Variants in DENND1B observed in about 807,000 individuals in gnomAD.
The protein encoded by DENND1B is DENN domain containing 1B, also known as DENN domain-containing protein 1B.
A neutral mutation model predicts 90.1 loss-of-function variants in DENND1B; 59 were observed. The observed-to-expected ratio is 0.65, with a 90% CI of 0.53 to 0.81. DENND1B has a LOEUF of 0.81. Among genes scored for constraint, DENND1B ranks in the 40% least tolerant of loss-of-function variants. The pLI is 0.00. For missense variants in DENND1B, 862 were observed against 912.6 expected (o/e 0.94, Z 0.71); for synonymous variants, 337 against 324.6 (o/e 1.04, Z -0.41).
intron 15 of DENND1B, among the ~76,000 whole-genome samples, chr1:197,560,456 G>A (rs541569820): frequency 2.0e-5 from 3 of 152,006 alleles, no homozygotes; most frequent in Admixed American, 6.6e-5. Flanking sequence ...CTTCCTAAGG[G>A]AAGTTAGGAA....
chr1:197,597,049 A>G (rs1162331492), intron 13 of DENND1B, among the ~76,000 whole-genome samples: 1 of 151,902 alleles, frequency 6.6e-6, no homozygotes, highest in East Asian at 1.9e-4. Flanking sequence ...TTTTCAATTT[A>G]TATCCAAGCT....
At chr1:197,732,131 C>T (rs1269182667) in intron 2 of DENND1B, among the ~76,000 whole-genome samples, 1 of 152,170 alleles carries the variant, frequency 6.6e-6, no homozygotes, top group Non-Finnish European at 1.5e-5. Flanking sequence ...TACCTCCCCT[C>T]ACCCAGGACC....
At chr1:197,737,979 A>G (rs1453810958) in intron 2 of DENND1B, among the ~76,000 whole-genome samples, 1 of 150,952 alleles carries the variant, frequency 6.6e-6, no homozygotes. Flanking sequence ...CTGACCTGGA[A>G]GCAGATAACC....
At chr1:197,610,323 G>A (rs930329660) in intron 12 of DENND1B, among the ~76,000 whole-genome samples, 15 of 150,454 alleles carry the variant, frequency 1.0e-4, no homozygotes, top group Admixed American at 2.7e-4. Context: ...CTTAAAAACA[G>A]TATTGGTTTT....
At chr1:197,647,931 G>A (rs1259852529) in intron 7 of DENND1B, among the ~76,000 whole-genome samples, 2 of 135,628 alleles carry the variant, frequency 1.5e-5, no homozygotes, top group African/African-American at 5.5e-5. Flanking sequence ...TGGGCAACAA[G>A]AGCGAAACTC....
At chr1:197,687,725 A>G (rs1267849724) in intron 3 of DENND1B, among the ~76,000 whole-genome samples, 1 of 152,112 alleles carries the variant, frequency 6.6e-6, no homozygotes, top group Non-Finnish European at 1.5e-5. Flanking sequence ...AATAGTGAAA[A>G]ACTGGAAGTC....
chr1:197,603,999 A>C (rs1463702248), intron 13 of DENND1B, among the ~76,000 whole-genome samples: 2 of 151,282 alleles, frequency 1.3e-5, no homozygotes, highest in African/African-American at 2.4e-5. Context: ...CCTAACATTT[A>C]CTTTTTTTTA....
rs553958318 is a variant in DENND1B, at chr1:197,672,165, T to C, written c.177-9A>G. 5.6e-6 allele frequency: 9 copies of C among 1,599,816 alleles called. No individual in the cohort carries two copies. Among genetic ancestry groups the C allele is most frequent in the Admixed American group, 3.5e-5 (2 of 56,652 alleles). ...CTTGATTCTGAGACACCCTAAAATATAGTAACATTAGGAAACATTGTGCCT... is the reference window on the plus strand; with the variant it reads ...CTTGATTCTGAGACACCCTAAAATACAGTAACATTAGGAAACATTGTGCCT... On this transcript the variant is annotated splice_polypyrimidine_tract_variant and intron_variant, in intron 4 of 22. Transcript: ENST00000620048.
At chr1:197,768,167 T>TTCGTCGTCCTCCTCCTCGTCCTCC (rs1655939506) in intron 2 of DENND1B, among the ~76,000 whole-genome samples, 1 of 150,658 alleles carries the variant, frequency 6.6e-6, no homozygotes, top group African/African-American at 2.5e-5. Flanking sequence ...CCTCCTCCTC[T>TTCGTCGTCCTCCTCCTCGTCCTCC]TCGTCGTCCT....
chr1:197,746,522 TTTTTCTTAC>T lies in DENND1B; in HGVS notation c.82+26337_82+26345del, dbSNP rs1467969892. On this transcript the variant is annotated intron_variant, in intron 2 of 22. Coordinates refer to ENST00000620048, the MANE Select transcript of DENND1B (RefSeq NM_001195215.2). ...AAAATTCTATCCTATTTTTCTATATTTTTTCTTACATTTCTTATACAAATATGAGAATGC... is the reference window on the plus strand; with the variant it reads ...AAAATTCTATCCTATTTTTCTATATTATTTCTTATACAAATATGAGAATGC... Among the ~76,000 whole-genome samples the T allele has an allele frequency of 2.0e-5, 3 of 152,314 alleles. No homozygotes were observed. The East Asian group carries it at 5.8e-4, about 29-fold the overall frequency.
intron 13 of DENND1B, among the ~76,000 whole-genome samples, chr1:197,603,542 A>T (rs12142712): frequency 6.6e-6 from 1 of 150,936 alleles, no homozygotes; most frequent in Non-Finnish European, 1.5e-5. Context: ...GTAAAAAAAA[A>T]CTTGCCTGTT....
chr1:197,524,332 C>T (rs761547780), intron 20 of DENND1B, among the ~76,000 whole-genome samples: 7 of 152,104 alleles, frequency 4.6e-5, no homozygotes, highest in Non-Finnish European at 7.4e-5. Flanking sequence ...TCTGTCACTA[C>T]ACTAATTCTA....
At chr1:197,571,660 A>AT (rs1396934845) in intron 15 of DENND1B, among the ~76,000 whole-genome samples, 1 of 152,164 alleles carries the variant, frequency 6.6e-6, no homozygotes, top group Non-Finnish European at 1.5e-5. Context: ...TTCACTAGAA[A>AT]TATCAGCTTC....
intron 15 of DENND1B, among the ~76,000 whole-genome samples, chr1:197,558,212 A>G (rs1315007976): frequency 1.3e-5 from 2 of 151,776 alleles, no homozygotes; most frequent in Non-Finnish European, 2.9e-5. Flanking sequence ...GAAAAAAATT[A>G]AAATCTAGAT....
intron 3 of DENND1B, among the ~76,000 whole-genome samples, chr1:197,683,657 C>G (rs535438176): frequency 6.6e-6 from 1 of 152,018 alleles, no homozygotes; most frequent in African/African-American, 2.4e-5. Flanking sequence ...TCCAATGTTA[C>G]GAAAGATAAA....
intron 20 of DENND1B, among the ~76,000 whole-genome samples, chr1:197,529,260 GTGTGTGTGTATA>G (rs372140837): frequency 0.46 from 28,199 of 61,124 alleles, 3,260 homozygotes; most frequent in Non-Finnish European, 0.53. Context: ...GTGTGTGTGT[GTGTGTGTGTATA>G]TGTATATATG....
intron 15 of DENND1B, among the ~76,000 whole-genome samples, chr1:197,559,705 T>C (rs932407075): frequency 7.6e-5 from 10 of 131,272 alleles, no homozygotes; most frequent in Non-Finnish European, 1.5e-4. Flanking sequence ...TTTTATATAA[T>C]GCTCCGGGCT....
chr1:197,580,354 T>C (rs1412734979), intron 15 of DENND1B, among the ~76,000 whole-genome samples: 9 of 150,902 alleles, frequency 6.0e-5, no homozygotes, highest in Non-Finnish European at 2.9e-5. Flanking sequence ...CGTCTCGGTC[T>C]CCCAGAGTGC....
chr1:197,643,335 A>G (rs1256579779), intron 9 of DENND1B, among the ~76,000 whole-genome samples: 1 of 152,000 alleles, frequency 6.6e-6, no homozygotes, highest in Non-Finnish European at 1.5e-5. Flanking sequence ...TTGTATTTTT[A>G]GTAGAGAGAT....
Sources: gnomAD v4.1 joint callset for allele counts (sites outside exome capture counted in the v4.1 genomes callset) on GRCh38, gnomAD v4.1.1 for gene constraint, MANE v1.5 for transcripts, NCBI Gene and HGNC (gene_info 2026-07-23, HGNC 2026-07-21) for gene names.